Variants in SCFD2 observed in about 807,000 individuals in gnomAD.
SCFD2 encodes sec1 family domain containing 2.
In SCFD2, 54 loss-of-function variants were observed where a neutral mutation model predicts 58.9. The ratio of observed to expected loss-of-function variants is 0.92; its 90% CI spans 0.74 to 1.15. The LOEUF (loss-of-function observed/expected upper bound fraction) is 1.15, where lower values mean the gene tolerates loss of function less well. Among genes scored for constraint, SCFD2 ranks in the 50% most tolerant of loss-of-function variants. SCFD2 has a pLI of 0.00. For missense variants in SCFD2, 805 were observed against 836.6 expected (o/e 0.96, Z 0.47); for synonymous variants, 321 against 335.9 (o/e 0.96, Z 0.49).
intron 3 of SCFD2, among the ~76,000 whole-genome samples, chr4:53,311,768 T>C (rs1308512439): frequency 1.3e-5 from 2 of 151,906 alleles, no homozygotes; most frequent in East Asian, 1.9e-4. Flanking sequence ...CCTGAGTAGG[T>C]GGGACTACAG....
chr4:52,894,411 T>C (rs1363758207), intron 7 of SCFD2, among the ~76,000 whole-genome samples: 1 of 152,132 alleles, frequency 6.6e-6, no homozygotes, highest in Non-Finnish European at 1.5e-5. Context: ...AAATAAATTA[T>C]TTTCAGGAGA....
chr4:52,937,577 T>G (rs1268956692), intron 5 of SCFD2, among the ~76,000 whole-genome samples: 2 of 152,124 alleles, frequency 1.3e-5, no homozygotes, highest in Non-Finnish European at 2.9e-5. Context: ...CATGATGAAA[T>G]TCAGTGGGAC....
intron 1 of SCFD2, among the ~76,000 whole-genome samples, chr4:53,354,091 G>A (rs191532239): frequency 5.3e-4 from 80 of 152,366 alleles, no homozygotes; most frequent in Non-Finnish European, 9.6e-4. Context: ...CACATTCTTC[G>A]GCCCTTGGGC....
At chr4:53,016,255 T>C (rs2148810864) in intron 5 of SCFD2, among the ~76,000 whole-genome samples, 1 of 152,328 alleles carries the variant, frequency 6.6e-6, no homozygotes, top group East Asian at 1.9e-4. Flanking sequence ...TGGTGTTGGT[T>C]TTGGAGATCC....
intron 5 of SCFD2, among the ~76,000 whole-genome samples, chr4:52,983,203 AG>A (rs1379448042): frequency 6.6e-6 from 1 of 152,228 alleles, no homozygotes; most frequent in Non-Finnish European, 1.5e-5. Context: ...GCCACATGAG[AG>A]TACCAGATCT....
At chr4:53,329,941 G>A (rs1395548506) in intron 2 of SCFD2, among the ~76,000 whole-genome samples, 2 of 151,820 alleles carry the variant, frequency 1.3e-5, no homozygotes, top group Non-Finnish European at 2.9e-5. Context: ...AGAACTACAT[G>A]AAGAATGCAG....
intron 5 of SCFD2, among the ~76,000 whole-genome samples, chr4:53,139,030 G>A (rs1397268193): frequency 3.3e-5 from 5 of 152,224 alleles, no homozygotes; most frequent in African/African-American, 7.2e-5. Context: ...GCCGCCACGC[G>A]TGACTGGTTT....
At chr4:53,238,428 T>A (rs1383930439) in intron 4 of SCFD2, among the ~76,000 whole-genome samples, 7 of 99,052 alleles carry the variant, frequency 7.1e-5, no homozygotes, top group African/African-American at 2.0e-4. Flanking sequence ...CCCTCCCGGA[T>A]GGGCGGCTGG....
At chr4:53,280,763 T>C (rs1414565180) in intron 3 of SCFD2, among the ~76,000 whole-genome samples, 1 of 152,204 alleles carries the variant, frequency 6.6e-6, no homozygotes, top group African/African-American at 2.4e-5. Flanking sequence ...GATTTTCTAA[T>C]ATAATAAAGG....
At chr4:52,954,815 A>T (rs1720673504) in intron 5 of SCFD2, among the ~76,000 whole-genome samples, 1 of 152,234 alleles carries the variant, frequency 6.6e-6, no homozygotes, top group Admixed American at 6.5e-5. Flanking sequence ...CTGACTAAAA[A>T]GTGGGAAGAG....
At chr4:53,212,575 C>CGTGTGTGTGT (rs72335886) in intron 4 of SCFD2, among the ~76,000 whole-genome samples, 4,679 of 142,216 alleles carry the variant, frequency 0.033, 95 homozygotes, top group East Asian at 0.048. Context: ...AAAGTGAGCA[C>CGTGTGTGTGT]GTGTGTGTGT....
chr4:53,013,480 G>T (rs1186160796), intron 5 of SCFD2, among the ~76,000 whole-genome samples: 12 of 152,068 alleles, frequency 7.9e-5, no homozygotes, highest in Non-Finnish European at 2.9e-5. Flanking sequence ...TATTACTTGG[G>T]ATTTTGCCAT....
At chr4:53,247,057 C>A (rs1389614570) in intron 4 of SCFD2, among the ~76,000 whole-genome samples, 1 of 144,848 alleles carries the variant, frequency 6.9e-6, no homozygotes, top group East Asian at 2.0e-4. Flanking sequence ...AGGTTGAATA[C>A]TAAGAATGAG....
At chr4:53,079,250 A>C (rs1724071542) in intron 5 of SCFD2, among the ~76,000 whole-genome samples, 1 of 152,198 alleles carries the variant, frequency 6.6e-6, no homozygotes, top group Non-Finnish European at 1.5e-5. Context: ...GGGGGGCAGA[A>C]GATGGATGTC....
rs534283423 is a variant in SCFD2, at chr4:52,919,678, G to A, written c.1707+1047C>T. 2.6e-5 allele frequency among the ~76,000 whole-genome samples: 4 copies of A among 152,346 alleles called. No individual in the cohort carries two copies. In the South Asian group the frequency reaches 8.3e-4, roughly 32 times the overall value. ...TGTGGCACGTCACTTGGCCTTCCCG[G>A]ATCTTGGAATAATAATGCCTCCCTG... is the stretch of plus-strand genomic sequence containing the variant. On this transcript the variant is annotated intron_variant, in intron 6 of 8. Coordinates refer to ENST00000401642, the MANE Select transcript of SCFD2 (RefSeq NM_152540.4).
At chr4:53,191,010 A>G (rs1727875551) in intron 4 of SCFD2, among the ~76,000 whole-genome samples, 1 of 152,216 alleles carries the variant, frequency 6.6e-6, no homozygotes, top group African/African-American at 2.4e-5. Context: ...CAGAAAGTAT[A>G]AGGGTTGCAT....
intron 5 of SCFD2, among the ~76,000 whole-genome samples, chr4:53,003,258 A>G (rs1431232427): frequency 6.6e-6 from 1 of 152,188 alleles, no homozygotes; most frequent in Non-Finnish European, 1.5e-5. Flanking sequence ...CTGGGAGTAG[A>G]GTGATAAACA....
At chr4:53,348,057 T>C (rs1252823228) in intron 2 of SCFD2, among the ~76,000 whole-genome samples, 3 of 152,252 alleles carry the variant, frequency 2.0e-5, no homozygotes, top group African/African-American at 7.2e-5. Context: ...AGATTCTGCC[T>C]ACTTCTTGTT....
chr4:53,140,178 C>G (rs1353893733), intron 5 of SCFD2, among the ~76,000 whole-genome samples: 5 of 141,310 alleles, frequency 3.5e-5, no homozygotes, highest in Admixed American at 2.7e-4. Context: ...TCCCCCTCTC[C>G]GAGAAACACC....
Sources: allele counts gnomAD v4.1 joint callset (sites outside exome capture counted in the v4.1 genomes callset), GRCh38; gene constraint gnomAD v4.1.1; transcripts MANE v1.5; gene names NCBI Gene and HGNC (gene_info 2026-07-23, HGNC 2026-07-21).